VOPP1: variants seen among roughly 807,000 people sequenced by gnomAD.
VOPP1 encodes the protein WW domain binding protein VOPP1.
Under a neutral mutation model 23.5 loss-of-function variants are expected in VOPP1, and 8 were observed. The observed-to-expected ratio is 0.34, with a 90% CI of 0.20 to 0.61. The LOEUF (loss-of-function observed/expected upper bound fraction) is 0.61. Ranked by LOEUF, VOPP1 falls within the 20% of genes least tolerant of loss-of-function variation. VOPP1 has a pLI of 0.78. For synonymous variants in VOPP1, 83 were observed against 97.3 expected, an observed-to-expected ratio of 0.85 and a Z score of 0.86; for missense variants, 174 against 238.1, an observed-to-expected ratio of 0.73 and a Z score of 1.77.
chr7:55,552,220 T>A (rs993114576), intron 1 of VOPP1, among the ~76,000 whole-genome samples: 1 of 152,024 alleles, frequency 6.6e-6, no homozygotes, highest in African/African-American at 2.4e-5. Flanking sequence ...AGGGACTGGG[T>A]AAGATGGACA....
At chr7:55,556,966 C>T (rs996109969) in intron 1 of VOPP1, among the ~76,000 whole-genome samples, 6 of 152,178 alleles carry the variant, frequency 3.9e-5, no homozygotes, top group African/African-American at 1.4e-4. Flanking sequence ...ATTGCTATAA[C>T]ATACACACCA....
chr7:55,459,255 T>A (rs1351554832), intron 4 of VOPP1, among the ~76,000 whole-genome samples: 4 of 152,234 alleles, frequency 2.6e-5, no homozygotes, highest in Non-Finnish European at 5.9e-5. Flanking sequence ...CTTTTTGGTG[T>A]ACTGTTGAAT....
chr7:55,492,705 A>G (rs1299778710), intron 3 of VOPP1: 1 of 296,074 alleles, frequency 3.4e-6, no homozygotes, highest in Non-Finnish European at 6.2e-6. Flanking sequence ...AAGCACCGTA[A>G]AAGAAAAAGC....
chr7:55,534,928 A>T (rs1796696017), intron 1 of VOPP1, among the ~76,000 whole-genome samples: 1 of 152,180 alleles, frequency 6.6e-6, no homozygotes, highest in Admixed American at 6.5e-5. Context: ...CATTCCTGCC[A>T]CACCACAAAG....
intron 4 of VOPP1, among the ~76,000 whole-genome samples, chr7:55,461,097 G>C (rs1000159346): frequency 1.3e-5 from 2 of 152,146 alleles, no homozygotes; most frequent in Admixed American, 6.6e-5. Context: ...ATCTGGATGA[G>C]ATTGGAGACT....
At chr7:55,495,413 C>A (rs1442097328) in intron 3 of VOPP1, among the ~76,000 whole-genome samples, 1 of 152,192 alleles carries the variant, frequency 6.6e-6, no homozygotes, top group Non-Finnish European at 1.5e-5. Flanking sequence ...CCCTCCCTCC[C>A]ATCCTGCCGC....
chr7:55,438,393 A>T (rs1335517224), intron 4 of VOPP1, among the ~76,000 whole-genome samples: 2 of 152,134 alleles, frequency 1.3e-5, no homozygotes, highest in Non-Finnish European at 2.9e-5. Context: ...AGTACACATA[A>T]GTGTGTACAT....
At chr7:55,458,043 A>G (rs1216068127) in intron 4 of VOPP1, among the ~76,000 whole-genome samples, 1 of 152,094 alleles carries the variant, frequency 6.6e-6, no homozygotes, top group Non-Finnish European at 1.5e-5. Context: ...GGTTTCTTCC[A>G]GTAGTTTCAT....
intron 1 of VOPP1, among the ~76,000 whole-genome samples, chr7:55,559,904 A>G (rs979664080): frequency 6.6e-6 from 1 of 152,218 alleles, no homozygotes; most frequent in African/African-American, 2.4e-5. Flanking sequence ...CTGTAATCCC[A>G]GCACCGCACG....
chr7:55,497,554 T>G (rs878870912), intron 3 of VOPP1, 59 bp downstream of exon 3: 37 of 976,216 alleles, frequency 3.8e-5, no homozygotes, highest in Non-Finnish European at 4.6e-5. Flanking sequence ...ACAACACTGA[T>G]GGGGGGGGGG....
chr7:55,521,914 T>C, intron 1 of VOPP1: 1 of 985,582 alleles, frequency 1.0e-6, no homozygotes, highest in Non-Finnish European at 1.2e-6. Context: ...TCTAAAATTA[T>C]TCCATTCGTG....
chr7:55,541,127 C>T (rs1295049626), intron 1 of VOPP1, among the ~76,000 whole-genome samples: 2 of 152,212 alleles, frequency 1.3e-5, no homozygotes, highest in Non-Finnish European at 2.9e-5. Context: ...AAAGGAGTGA[C>T]TGCTAGTGGG....
At chr7:55,563,457 A>G (rs562442340) in intron 1 of VOPP1, among the ~76,000 whole-genome samples, 3 of 152,360 alleles carry the variant, frequency 2.0e-5, no homozygotes, top group Admixed American at 1.3e-4. Flanking sequence ...GTAACCATTT[A>G]AAATCTATGA....
At chr7:55,562,307 C>T (rs1798016591) in intron 1 of VOPP1, among the ~76,000 whole-genome samples, 1 of 152,134 alleles carries the variant, frequency 6.6e-6, no homozygotes, top group South Asian at 2.1e-4. Context: ...AGTGCTAATT[C>T]CCCGTTTACA....
chr7:55,476,170 T>G (rs1792234209), intron 4 of VOPP1, among the ~76,000 whole-genome samples: 1 of 152,216 alleles, frequency 6.6e-6, no homozygotes, highest in Non-Finnish European at 1.5e-5. Flanking sequence ...ACCCTTGGCA[T>G]GTCATCTGTC....
rs184697278 is a variant in VOPP1, at chr7:55,560,542, A to G, written c.54+11729T>C. On this transcript the variant is annotated intron_variant, in intron 1 of 4. Coordinates refer to ENST00000285279, the MANE Select transcript of VOPP1 (RefSeq NM_030796.5). Reference sequence around the variant, plus strand: ...CCCTAGATGCTGGGACAGGCCAGGAAATGAATCCTCCCTGGAGCCTCCAGA... The same window carrying G: ...CCCTAGATGCTGGGACAGGCCAGGAGATGAATCCTCCCTGGAGCCTCCAGA... 4.4e-4 allele frequency among the ~76,000 whole-genome samples: 67 copies of G among 152,322 alleles called. No individual in the cohort carries two copies. In the Middle Eastern group the frequency reaches 0.01, roughly 23 times the overall value.
At chr7:55,495,789 T>C (rs924220007) in intron 3 of VOPP1, among the ~76,000 whole-genome samples, 1 of 152,218 alleles carries the variant, frequency 6.6e-6, no homozygotes, top group Non-Finnish European at 1.5e-5. Context: ...GGTGGGGCAC[T>C]GTAAGCTCAC....
At chr7:55,545,541 C>T (rs1797330010) in intron 1 of VOPP1, among the ~76,000 whole-genome samples, 1 of 152,224 alleles carries the variant, frequency 6.6e-6, no homozygotes, top group African/African-American at 2.4e-5. Context: ...TGGCTGAATT[C>T]ACCTTAGGAT....
In VOPP1 at chr7:55,512,845, C is replaced by T. The variant is rs117027662; in HGVS notation, c.113+8227G>A. Among the ~76,000 whole-genome samples, 106 of 152,360 alleles carry T rather than the reference C, an allele frequency of 7.0e-4. No individual in the cohort carries two copies. In the East Asian group the frequency reaches 0.017, roughly 24 times the overall value. On this transcript the variant is annotated intron_variant, in intron 2 of 4. Transcript: ENST00000285279. ...AGTCTGTCCACAGAGCCATAAAGGGCACCTGCTGGTGAGAGGTGACCTTGT... is the reference window on the plus strand; with the variant it reads ...AGTCTGTCCACAGAGCCATAAAGGGTACCTGCTGGTGAGAGGTGACCTTGT...
Sources: gnomAD v4.1 joint callset for allele counts (sites outside exome capture counted in the v4.1 genomes callset) on GRCh38, gnomAD v4.1.1 for gene constraint, MANE v1.5 for transcripts, NCBI Gene and HGNC (gene_info 2026-07-23, HGNC 2026-07-21) for gene names.